Variants in SMKR1 observed in about 807,000 individuals in gnomAD.
SMKR1 encodes the protein small lysine-rich protein 1.
In SMKR1, 4 loss-of-function variants were observed where a neutral mutation model predicts 4.0. The ratio of observed to expected loss-of-function variants is 1.00; its 90% CI spans 0.49 to 2.30. The LOEUF (loss-of-function observed/expected upper bound fraction) is 2.30, where lower values mean the gene tolerates loss of function less well. Ranked by LOEUF, SMKR1 falls within the 30% of genes most tolerant of loss-of-function variation. The pLI, the probability that SMKR1 is intolerant of heterozygous loss-of-function variation, is 0.02. For synonymous variants in SMKR1, 38 were observed against 32.5 expected, an observed-to-expected ratio of 1.17 and a Z score of -0.58; for missense variants, 56 against 81.8, an observed-to-expected ratio of 0.68 and a Z score of 1.22.
chr7:129,507,936 A>T (rs1485026234), intron 1 of SMKR1, among the ~76,000 whole-genome samples: 1 of 152,100 alleles, frequency 6.6e-6, no homozygotes, highest in Non-Finnish European at 1.5e-5. Flanking sequence ...ATTTGTAGAT[A>T]TTTCCCCCAG....
intron 1 of SMKR1, among the ~76,000 whole-genome samples, chr7:129,503,378 C>T (rs936405464): frequency 1.1e-4 from 17 of 152,352 alleles, no homozygotes; most frequent in Admixed American, 9.8e-4. Flanking sequence ...CTCAGGGAGG[C>T]ATCATTGTCT....
At chr7:129,512,084 C>T (rs757736147) in intron 1 of SMKR1, among the ~76,000 whole-genome samples, 163 bp from the exon 2 acceptor site, 7 of 151,770 alleles carry the variant, frequency 4.6e-5, no homozygotes, top group East Asian at 3.9e-4. Context: ...CTTGGGAGGC[C>T]GAGGCAGGAG....
At chr7:129,507,101 C>T (rs906511056) in intron 1 of SMKR1, among the ~76,000 whole-genome samples, 3 of 151,808 alleles carry the variant, frequency 2.0e-5, no homozygotes, top group African/African-American at 4.8e-5. Context: ...CTGCAAGCTC[C>T]GCCTCCTGGG....
Position 129,502,824 on chromosome 7 carries a change from C to T in SMKR1, c.-1C>T. The T allele has an allele frequency of 6.5e-7, 1 of 1,535,056 alleles. No homozygotes were observed. The highest frequency in any genetic ancestry group is 8.7e-7 in the Non-Finnish European group (1 of 1,146,590). On this transcript the variant is annotated 5_prime_UTR_variant, in exon 1 of 2. Coordinates refer to ENST00000462322, the MANE Select transcript of SMKR1 (RefSeq NM_001195243.2). The stretch of plus-strand genomic sequence containing the variant: ...GCCTGCCTGCTCGGCTGAGAATCGC[C>T]ATGGTAATCCCCGTCTCCCTAAAGT...
In SMKR1 at chr7:129,512,426, A is replaced by G; in HGVS notation, c.183A>G (p.Lys61=). The change falls in exon 2 of 2, where the codon AAA becomes AAG. Residue 61 remains lysine, a synonymous_variant. Transcript: ENST00000462322. ...FHWPGAPKGK[K]GRSK is the part of the protein sequence containing the mutation. ...GGCCGGGTGCTCCCAAAGGAAAGAA[A>G]GGGAGAAGCAAGTGACAGCATTTCA... is the stretch of plus-strand genomic sequence containing the variant. The G allele has an allele frequency of 6.5e-7, 1 of 1,534,166 alleles. No individual in the cohort carries two copies. Among genetic ancestry groups the G allele is most frequent in the Non-Finnish European group, 8.7e-7 (1 of 1,146,406 alleles).
At chr7:129,504,104 A>T (rs1799440782) in intron 1 of SMKR1, among the ~76,000 whole-genome samples, 1 of 152,178 alleles carries the variant, frequency 6.6e-6, no homozygotes, top group Non-Finnish European at 1.5e-5. Flanking sequence ...CTGGGATTAC[A>T]GGTGTGAGCC....
intron 1 of SMKR1, among the ~76,000 whole-genome samples, chr7:129,506,776 T>C (rs1326069155): frequency 1.3e-5 from 2 of 152,044 alleles, no homozygotes; most frequent in Non-Finnish European, 2.9e-5. Flanking sequence ...TATTCCTTTT[T>C]AGTGCTGAGT....
chr7:129,502,610 C>T lies in SMKR1; in HGVS notation c.-215C>T, dbSNP rs942313975. On this transcript the variant is annotated 5_prime_UTR_variant, in exon 1 of 2. Coordinates refer to ENST00000462322, the MANE Select transcript of SMKR1 (RefSeq NM_001195243.2). ...CAGGTGCCTCGCGTCCAGGCGGCTC[C>T]GCGGCTGGCTGCCTCCCGAGCCGGC... 5.7e-5 allele frequency: 34 copies of T among 592,430 alleles called. 1 individual carries two copies. Among genetic ancestry groups the T allele is most frequent in the East Asian group, 4.9e-4 (14 of 28,458 alleles). 36.7% of individuals were successfully genotyped at this position (592,430 alleles called of 1,614,324 possible).
At chr7:129,511,246 A>T (rs2081303) in intron 1 of SMKR1, among the ~76,000 whole-genome samples, 86,826 of 152,202 alleles carry the variant, frequency 0.57, 26,069 homozygotes, top group East Asian at 0.77. Flanking sequence ...AATGTGTATT[A>T]TGAAAATTTC....
chr7:129,511,548 CA>C (rs1799526680), intron 1 of SMKR1, among the ~76,000 whole-genome samples: 1 of 152,202 alleles, frequency 6.6e-6, no homozygotes, highest in African/African-American at 2.4e-5. Context: ...CTGATTAACT[CA>C]AAGACATCTT....
rs747013299 is a variant in SMKR1 at position 129,512,287 on chromosome 7, A to T, written c.44A>T (p.His15Leu). ...GKKGKGQGKSHGKKQKKPEVD... is the reference protein window; with the variant it reads ...GKKGKGQGKSLGKKQKKPEVD... ...AAAGGAAAAGGCCAGGGCAAGTCTC[A>T]TGGGAAGAAACAGAAGAAACCAGAA... The change falls in exon 2 of 2, where the codon CAT (histidine) becomes CTT (leucine). Residue 15 changes from histidine (H) to leucine (L), a missense_variant. Transcript: ENST00000462322. 3.1e-5 allele frequency: 47 copies of T among 1,535,064 alleles called. No individual in the cohort carries two copies. In the African/African-American group the frequency reaches 5.7e-4, roughly 19 times the overall value.
rs1265963573 is a variant in SMKR1 at position 129,512,414 on chromosome 7, C to T, written c.171C>T (p.Pro57=). 5 of 1,534,856 alleles carry T rather than the reference C, an allele frequency of 3.3e-6. No individual in the cohort carries two copies. In the South Asian group the frequency reaches 3.6e-5, roughly 11 times the overall value. Residue 57 remains proline, a synonymous_variant, in exon 2 of 2, where the codon CCC becomes CCT. Transcript: ENST00000462322. ...HLRGFHWPGA[P]KGKKGRSK Reference sequence around the variant, plus strand: ...GAGGCTTCCATTGGCCGGGTGCTCCCAAAGGAAAGAAAGGGAGAAGCAAGT... The same window carrying T: ...GAGGCTTCCATTGGCCGGGTGCTCCTAAAGGAAAGAAAGGGAGAAGCAAGT...
Position 129,502,643 on chromosome 7 carries a change from C to A in SMKR1, c.-182C>A. The stretch of plus-strand genomic sequence containing the variant: ...GCTGCCTCCCGAGCCGGCCGCGCTC[C>A]TCCCAGCGAGGCGTGGCGGGGAGGC... On this transcript the variant is annotated 5_prime_UTR_variant, in exon 1 of 2. Transcript: ENST00000462322. 1 of 882,140 alleles carries A rather than the reference C, an allele frequency of 1.1e-6. No individual in the cohort carries two copies. Among genetic ancestry groups the A allele is most frequent in the Non-Finnish European group, 1.6e-6 (1 of 617,728 alleles). The allele number at this position is 882,140 out of a possible 1,614,324, so 54.6% of individuals were successfully genotyped here.
chr7:129,510,310 A>G (rs1021951108), intron 1 of SMKR1, among the ~76,000 whole-genome samples: 2 of 152,242 alleles, frequency 1.3e-5, no homozygotes, highest in African/African-American at 4.8e-5. Flanking sequence ...AGTCATGGAA[A>G]GAGAATAGAC....
chr7:129,512,226 A>G (rs1365566621), intron 1 of SMKR1, 21 bp from the exon 2 acceptor site: 3 of 1,495,418 alleles, frequency 2.0e-6, no homozygotes, highest in African/African-American at 1.4e-5. Context: ...CTCCTCCCAT[A>G]TTTATATTTG....
intron 1 of SMKR1, among the ~76,000 whole-genome samples, chr7:129,504,560 T>G (rs117288385): frequency 0.49 from 45,427 of 92,536 alleles, 7,963 homozygotes; most frequent in East Asian, 0.71. Context: ...GTTTTTGTTT[T>G]TTTTTTTTTA....
Position 129,512,705 on chromosome 7 carries a change from A to G in SMKR1, c.*264A>G, listed in dbSNP as rs1799539785. 3.1e-6 allele frequency: 1 copy of G among 318,660 alleles called. No homozygotes were observed. The highest frequency in any genetic ancestry group is 5.6e-6 in the Non-Finnish European group (1 of 177,476). The allele number at this position is 318,660 out of a possible 1,614,324, so 19.7% of individuals were successfully genotyped here. On this transcript the variant is annotated 3_prime_UTR_variant, in exon 2 of 2. Transcript: ENST00000462322. ...CTACACAGTGTGCTGAAATTAATAG[A>G]ACTTTCAGAAATTATTATAATTCTG...
intron 1 of SMKR1, among the ~76,000 whole-genome samples, chr7:129,508,810 T>A (rs1030979293): frequency 2.0e-5 from 3 of 152,344 alleles, no homozygotes; most frequent in Middle Eastern, 3.4e-3. Flanking sequence ...GATGAGAACT[T>A]TGAAAACAGT....
At chr7:129,510,023 T>C (rs769511040) in intron 1 of SMKR1, among the ~76,000 whole-genome samples, 6 of 152,312 alleles carry the variant, frequency 3.9e-5, no homozygotes, top group Non-Finnish European at 7.4e-5. Context: ...ATAATATACT[T>C]CCATTGGTTA....
Sources: gnomAD v4.1 joint callset for allele counts (sites outside exome capture counted in the v4.1 genomes callset) on GRCh38, gnomAD v4.1.1 for gene constraint, MANE v1.5 for transcripts, NCBI Gene and HGNC (gene_info 2026-07-23, HGNC 2026-07-21) for gene names.